Variants in PHF14 observed in about 807,000 individuals in gnomAD.
PHF14 encodes the protein PHD finger protein 14.
A neutral mutation model predicts 117.9 loss-of-function variants in PHF14; 55 were observed. That is an observed-to-expected ratio of 0.47 (90% CI 0.38 to 0.58). The LOEUF is 0.58. Among genes scored for constraint, PHF14 ranks in the 20% least tolerant of loss-of-function variants. PHF14 has a pLI of 0.00. For synonymous variants in PHF14, 409 were observed against 368.6 expected, an observed-to-expected ratio of 1.11 and a Z score of -1.26; for missense variants, 978 against 1,122.2, an observed-to-expected ratio of 0.87 and a Z score of 1.84.
chr7:11,088,403 AACAC>A (rs796166464), intron 16 of PHF14, among the ~76,000 whole-genome samples: 23 of 151,074 alleles, frequency 1.5e-4, no homozygotes, highest in Middle Eastern at 3.4e-3. Context: ...CATACACACA[AACAC>A]ACACACACAC....
At chr7:11,026,650 G>T (rs1174844204) in intron 6 of PHF14, among the ~76,000 whole-genome samples, 1 of 151,652 alleles carries the variant, frequency 6.6e-6, no homozygotes, top group Non-Finnish European at 1.5e-5. Context: ...TTTCTGTATG[G>T]GTATGATTTA....
At chr7:11,046,953 A>G (rs1400234133) in intron 13 of PHF14, among the ~76,000 whole-genome samples, 1 of 151,906 alleles carries the variant, frequency 6.6e-6, no homozygotes, top group African/African-American at 2.4e-5. Context: ...ATCATGAATT[A>G]TTTGGAATAT....
At chr7:11,064,033 A>G (rs1359127010) in intron 16 of PHF14, among the ~76,000 whole-genome samples, 1 of 151,940 alleles carries the variant, frequency 6.6e-6, no homozygotes, top group Non-Finnish European at 1.5e-5. Context: ...AGTTTTAAAG[A>G]GGTAATGTAG....
At chr7:11,102,678 T>C in intron 16 of PHF14, 2 of 1,446,156 alleles carry the variant, frequency 1.4e-6, no homozygotes, top group Non-Finnish European at 1.8e-6. Context: ...CAGGTTTGGA[T>C]AGAATATAAT....
chr7:11,022,907 A>G lies in PHF14; in HGVS notation c.1245A>G (p.Val415=). ...TTTGTGCCCTGTATGTTCCTGGAGT[A>G]GCCTTTGGAGATATTGACAAATTAC... ...HIVCALYVPG[V]AFGDIDKLRP... Residue 415 remains valine (V), a synonymous_variant, in exon 6 of 18, where the codon GTA becomes GTG. Coordinates refer to ENST00000634607, the MANE Select transcript of PHF14 (RefSeq NM_001007157.2). The G allele has an allele frequency of 6.2e-7, 1 of 1,610,336 alleles. No homozygotes were observed. Among genetic ancestry groups the G allele is most frequent in the East Asian group, 2.2e-5 (1 of 44,792 alleles).
intron 13 of PHF14, 116 bp from the exon 14 acceptor site, chr7:11,051,496 C>G (rs1784849897): frequency 2.6e-6 from 2 of 760,678 alleles, no homozygotes; most frequent in African/African-American, 1.8e-5. Flanking sequence ...ATCACATTAC[C>G]TGTGTATATT....
At chr7:10,978,757 C>T (rs79674108) in intron 2 of PHF14, among the ~76,000 whole-genome samples, 7,216 of 152,246 alleles carry the variant, frequency 0.047, 231 homozygotes, top group Non-Finnish European at 0.073. Context: ...TCCACCTCCA[C>T]TTCCACTGTT....
chr7:11,120,260 C>G (rs1441298553), intron 17 of PHF14, among the ~76,000 whole-genome samples: 1 of 151,888 alleles, frequency 6.6e-6, no homozygotes, highest in Non-Finnish European at 1.5e-5. Context: ...GTTGTTTCAC[C>G]TAACTTTTAG....
rs374664932 is a variant in PHF14 at position 11,051,719 on chromosome 7, C to G, written c.2420C>G (p.Pro807Arg). Residue 807 changes from proline to arginine, a missense_variant, in exon 14 of 18, where the codon CCA becomes CGA. By Grantham distance (103) the Pro-to-Arg change is moderately radical (BLOSUM62 -2). This residue lies in a region of PHF14 where 180 missense variants were observed against 195.4 expected (regional missense o/e 0.92). Coordinates refer to ENST00000634607, the MANE Select transcript of PHF14 (RefSeq NM_001007157.2). ...CGATCAAGGAGGCAGATTAAGGAAC[C>G]AGTGAAATTTGTTCCACAGGATGTG... is the stretch of plus-strand genomic sequence containing the variant. ...TKRSRRQIKE[P>R]VKFVPQDVPP... is the part of the protein sequence containing the mutation. 14 of 1,613,552 alleles carry G rather than the reference C, an allele frequency of 8.7e-6. No individual in the cohort carries two copies. The highest frequency in any genetic ancestry group is 1.2e-5 in the Non-Finnish European group (14 of 1,179,644).
intron 14 of PHF14, among the ~76,000 whole-genome samples, chr7:11,060,741 A>G (rs1312383011): frequency 6.6e-6 from 1 of 152,152 alleles, no homozygotes; most frequent in East Asian, 1.9e-4. Context: ...TTTTCTGCCT[A>G]ATTACTTCCA....
intron 3 of PHF14, among the ~76,000 whole-genome samples, chr7:10,989,791 C>T (rs1782378796): frequency 6.6e-6 from 1 of 152,076 alleles, no homozygotes; most frequent in African/African-American, 2.4e-5. Context: ...TCACCACGCC[C>T]AGCTAATTTT....
intron 16 of PHF14, chr7:11,106,602 C>T (rs1470224098): frequency 1.0e-6 from 1 of 983,562 alleles, no homozygotes; most frequent in African/African-American, 1.8e-5. Context: ...TTTTCTCCAT[C>T]TGTTAAGATG....
At chr7:11,028,644 A>T (rs747999089) in intron 6 of PHF14, 37 bp from the exon 7 acceptor site, 2 of 1,605,470 alleles carry the variant, frequency 1.2e-6, no homozygotes, top group African/African-American at 2.7e-5. Context: ...TCTGGAAATA[A>T]GTTTGCTTTG....
intron 11 of PHF14, 94 bp from the exon 12 acceptor site, chr7:11,040,578 A>C (rs1433576534): frequency 1.0e-5 from 5 of 499,134 alleles, no homozygotes; most frequent in African/African-American, 2.0e-5. Context: ...TAACAATCCT[A>C]CTATATTTAC....
intron 17 of PHF14, among the ~76,000 whole-genome samples, chr7:11,138,739 TGAG>T (rs896505726): frequency 1.8e-4 from 27 of 152,312 alleles, no homozygotes; most frequent in African/African-American, 4.8e-4. Flanking sequence ...AGTCTTAACA[TGAG>T]GAGTGGGAAT....
At chr7:11,161,688 T>TTATTTAAATAAAAATATTATATTG (rs1300593351) in intron 17 of PHF14, among the ~76,000 whole-genome samples, 1 of 127,836 alleles carries the variant, frequency 7.8e-6, no homozygotes, top group East Asian at 2.0e-4. Flanking sequence ...ATATTATATT[T>TTATTTAAATAAAAATATTATATTG]TATTTAAATA....
chr7:11,069,059 A>G (rs925790428), intron 16 of PHF14, among the ~76,000 whole-genome samples: 15 of 152,202 alleles, frequency 9.9e-5, no homozygotes, highest in Non-Finnish European at 1.2e-4. Flanking sequence ...GAAAACAAGC[A>G]AAGTTCAAAG....
At chr7:11,152,197 G>C (rs113643901) in intron 17 of PHF14, among the ~76,000 whole-genome samples, 1 of 152,090 alleles carries the variant, frequency 6.6e-6, no homozygotes, top group Non-Finnish European at 1.5e-5. Flanking sequence ...GATTGTTTTG[G>C]AAAAGTATGT....
chr7:10,974,739 C>T (rs1408521825), intron 1 of PHF14, 96 bp from the exon 2 acceptor site: 2 of 689,288 alleles, frequency 2.9e-6, no homozygotes, highest in Admixed American at 3.0e-5. Context: ...ACAAAAATTC[C>T]TTGTGCGAGG....
Sources: gnomAD v4.1 joint callset for allele counts (sites outside exome capture counted in the v4.1 genomes callset) on GRCh38, gnomAD v4.1.1 for gene constraint, gnomAD v4.1.1 regional missense constraint, MANE v1.5 for transcripts, NCBI Gene and HGNC (gene_info 2026-07-23, HGNC 2026-07-21) for gene names.